The following CHCHD3 variants were observed in gnomAD, a reference collection of about 807,000 sequenced individuals.
The protein encoded by CHCHD3 is MICOS complex subunit MIC19.
Under a neutral mutation model 38.2 loss-of-function variants are expected in CHCHD3, and 20 were observed. The observed-to-expected ratio is 0.52, with a 90% CI of 0.37 to 0.76. The LOEUF (loss-of-function observed/expected upper bound fraction) is 0.76. Ranked by LOEUF, CHCHD3 falls within the 30% of genes least tolerant of loss-of-function variation. CHCHD3 has a pLI of 0.00. For synonymous variants in CHCHD3, 82 were observed against 100.0 expected (o/e 0.82, Z 1.07); for missense variants, 245 against 279.2 (o/e 0.88, Z 0.87).
intron 5 of CHCHD3, 49 bp downstream of exon 5, chr7:132,885,613 A>T (rs1435356539): frequency 7.5e-7 from 1 of 1,341,890 alleles, no homozygotes; most frequent in South Asian, 1.4e-5. Flanking sequence ...TAAATATACA[A>T]GAAAACAGCA....
chr7:132,888,599 T>A (rs1809277090), intron 4 of CHCHD3, among the ~76,000 whole-genome samples: 1 of 151,858 alleles, frequency 6.6e-6, no homozygotes, highest in African/African-American at 2.4e-5. Flanking sequence ...AATATAAGAG[T>A]ATTTACATCT....
chr7:132,799,724 A>G (rs1396337950), intron 6 of CHCHD3, among the ~76,000 whole-genome samples: 1 of 152,244 alleles, frequency 6.6e-6, no homozygotes, highest in East Asian at 1.9e-4. Flanking sequence ...GAAAATATAC[A>G]TGTAACAAAA....
intron 4 of CHCHD3, among the ~76,000 whole-genome samples, chr7:132,964,560 C>T (rs905677136): frequency 3.9e-5 from 6 of 152,166 alleles, no homozygotes; most frequent in Admixed American, 2.0e-4. Flanking sequence ...CCAGCCTAGA[C>T]AACAGGGTGA....
chr7:132,817,177 G>A (rs971263995), intron 6 of CHCHD3, among the ~76,000 whole-genome samples: 1 of 151,546 alleles, frequency 6.6e-6, no homozygotes, highest in African/African-American at 2.4e-5. Context: ...AAAGATTCAT[G>A]TAATTTTCCT....
chr7:132,868,533 G>T (rs1808688228), intron 5 of CHCHD3, among the ~76,000 whole-genome samples: 1 of 152,060 alleles, frequency 6.6e-6, no homozygotes, highest in Non-Finnish European at 1.5e-5. Context: ...TAACGAAAAG[G>T]GCTTTGGTGA....
intron 2 of CHCHD3, among the ~76,000 whole-genome samples, chr7:133,067,976 C>T (rs1224054877): frequency 6.6e-6 from 1 of 151,904 alleles, no homozygotes; most frequent in African/African-American, 2.4e-5. Context: ...ATTAGCCGGG[C>T]GTGGTGGTGG....
At chr7:132,822,717 T>C (rs1008521747) in intron 6 of CHCHD3, among the ~76,000 whole-genome samples, 1 of 152,118 alleles carries the variant, frequency 6.6e-6, no homozygotes, top group African/African-American at 2.4e-5. Flanking sequence ...TCAAACCCCA[T>C]CCATGTTACG....
At chr7:132,883,769 C>T (rs1365434987) in intron 5 of CHCHD3, among the ~76,000 whole-genome samples, 2 of 152,126 alleles carry the variant, frequency 1.3e-5, no homozygotes, top group Non-Finnish European at 2.9e-5. Flanking sequence ...AAATTACTGA[C>T]ATTCTCTAAA....
intron 5 of CHCHD3, among the ~76,000 whole-genome samples, chr7:132,862,478 C>T (rs1808521012): frequency 6.6e-6 from 1 of 152,168 alleles, no homozygotes; most frequent in Non-Finnish European, 1.5e-5. Context: ...TACTTTATCA[C>T]TAAAAAATGC....
chr7:133,041,703 T>C lies in CHCHD3; in HGVS notation c.170-17076A>G, dbSNP rs562459859. On this transcript the variant is annotated intron_variant, in intron 2 of 7. Transcript: ENST00000262570. ...AAGCAGAATGAAATGAAAGGACTGA[T>C]TGAGTCATAACTTCATTATTCCCCC... 3.9e-5 allele frequency among the ~76,000 whole-genome samples: 6 copies of C among 152,342 alleles called. No individual in the cohort carries two copies. In the South Asian group the frequency reaches 1.0e-3, roughly 26 times the overall value.
chr7:132,975,200 C>A lies in CHCHD3; in HGVS notation c.338G>T (p.Ser113Ile). The A allele has an allele frequency of 6.2e-7, 1 of 1,612,404 alleles. No individual in the cohort carries two copies. Among genetic ancestry groups the A allele is most frequent in the Non-Finnish European group, 8.5e-7 (1 of 1,179,994 alleles). The change falls in exon 4 of 8, where the codon AGC becomes ATC. Residue 113 changes from serine (S) to isoleucine (I), a missense_variant. Transcript: ENST00000262570. ...TRAILRERICSEEERAKAKHL... is the reference protein window; with the variant it reads ...TRAILRERICIEEERAKAKHL... ...CTTTGCCTTAGCGCGTTCCTCCTCGCTACATATCCTCTCCCGAAGGATGGC... is the reference window on the plus strand; with the variant it reads ...CTTTGCCTTAGCGCGTTCCTCCTCGATACATATCCTCTCCCGAAGGATGGC...
chr7:132,877,968 C>T (rs1168400736), intron 5 of CHCHD3, among the ~76,000 whole-genome samples: 1 of 152,146 alleles, frequency 6.6e-6, no homozygotes, highest in Non-Finnish European at 1.5e-5. Context: ...AACCACATCA[C>T]CTAAAATCAT....
intron 1 of CHCHD3, among the ~76,000 whole-genome samples, chr7:133,075,618 G>A (rs940270664): frequency 1.3e-5 from 2 of 152,188 alleles, no homozygotes; most frequent in African/African-American, 4.8e-5. Flanking sequence ...GTACTCACTC[G>A]TGAAGCAGCT....
intron 3 of CHCHD3, among the ~76,000 whole-genome samples, chr7:132,980,737 T>C (rs1215559705): frequency 1.3e-5 from 2 of 152,160 alleles, no homozygotes; most frequent in African/African-American, 4.8e-5. Context: ...ATAAATATTA[T>C]TACATGTCCT....
At chr7:132,903,638 T>A (rs554457794) in intron 4 of CHCHD3, among the ~76,000 whole-genome samples, 49 of 152,320 alleles carry the variant, frequency 3.2e-4, no homozygotes, top group Non-Finnish European at 4.6e-4. Context: ...TGGTCTTGCC[T>A]TCTGGGGAAG....
At chr7:132,984,757 G>C (rs1377766956) in intron 3 of CHCHD3, among the ~76,000 whole-genome samples, 13 of 147,680 alleles carry the variant, frequency 8.8e-5, no homozygotes, top group Admixed American at 8.0e-4. Context: ...CAACCGGCCC[G>C]TCTGAGAAGT....
At chr7:133,047,300 A>G (rs1814021440) in intron 2 of CHCHD3, among the ~76,000 whole-genome samples, 1 of 152,198 alleles carries the variant, frequency 6.6e-6, no homozygotes, top group South Asian at 2.1e-4. Flanking sequence ...CTGCCCTCAG[A>G]AAATTTTCAT....
At chr7:133,064,775 G>A (rs1814622339) in intron 2 of CHCHD3, among the ~76,000 whole-genome samples, 1 of 152,194 alleles carries the variant, frequency 6.6e-6, no homozygotes. Context: ...CAGTGAGGAT[G>A]ATAATAAAAG....
intron 5 of CHCHD3, among the ~76,000 whole-genome samples, chr7:132,870,401 G>A (rs1471581251): frequency 1.3e-5 from 2 of 150,200 alleles, no homozygotes; most frequent in Non-Finnish European, 3.0e-5. Context: ...TTCAACCTGT[G>A]TTTCCAGATT....
Sources: gnomAD v4.1 joint callset for allele counts (sites outside exome capture counted in the v4.1 genomes callset) on GRCh38, gnomAD v4.1.1 for gene constraint, MANE v1.5 for transcripts, NCBI Gene and HGNC (gene_info 2026-07-23, HGNC 2026-07-21) for gene names.